The following RAB38 variants were observed in gnomAD, a reference collection of about 807,000 sequenced individuals.
The protein encoded by RAB38 is RAB38, member RAS oncogene family.
A neutral mutation model predicts 18.4 loss-of-function variants in RAB38; 15 were observed. The observed-to-expected ratio is 0.82, with a 90% confidence interval of 0.55 to 1.26. The LOEUF is 1.26. Ranked by LOEUF, RAB38 falls within the 50% of genes most tolerant of loss-of-function variation. The pLI, the probability that RAB38 is intolerant of heterozygous loss-of-function variation, is 0.00. For missense variants in RAB38, 294 were observed against 267.4 expected, an observed-to-expected ratio of 1.10 and a Z score of -0.69; for synonymous variants, 101 against 104.4, an observed-to-expected ratio of 0.97 and a Z score of 0.20.
At chr11:87,951,618 C>G in the RAB38 span, among the ~76,000 whole-genome samples, 48 of 152,254 alleles carry the variant, frequency 3.2e-4, no homozygotes, top group African/African-American at 1.1e-3. Context: ...TTCTAACAGA[C>G]AGGACCCCCA....
At chr11:87,974,173 G>A in the RAB38 span, among the ~76,000 whole-genome samples, 1 of 151,670 alleles carries the variant, frequency 6.6e-6, no homozygotes, top group Admixed American at 6.6e-5. Context: ...AAATGATCCA[G>A]TTATTAGAAT....
the RAB38 span, among the ~76,000 whole-genome samples, chr11:88,029,859 C>A: frequency 6.6e-6 from 1 of 152,166 alleles, no homozygotes; most frequent in Non-Finnish European, 1.5e-5. Flanking sequence ...GAATTGAACT[C>A]AGCTCTGCAC....
At chr11:88,048,651 C>G in the RAB38 span, among the ~76,000 whole-genome samples, 1 of 152,090 alleles carries the variant, frequency 6.6e-6, no homozygotes, top group African/African-American at 2.4e-5. Context: ...TGGACTGTGC[C>G]CCAAAAAACT....
chr11:88,145,881 ACATGAT>A (rs1202228199), intron 2 of RAB38, among the ~76,000 whole-genome samples: 2 of 152,214 alleles, frequency 1.3e-5, no homozygotes, highest in African/African-American at 2.4e-5. Flanking sequence ...AAAATGGGAC[ACATGAT>A]TACCCCAATT....
chr11:88,092,356 GAGAGAGAGAGAGAGAGAGA>G, the RAB38 span, among the ~76,000 whole-genome samples: 2 of 10,622 alleles, frequency 1.9e-4, 1 homozygote, highest in African/African-American at 6.1e-4. Flanking sequence ...GGGAGGGAGA[GAGAGAGAGAGAGAGAGAGA>G]GAGAGAGAGA....
At chr11:87,881,225 A>G in the RAB38 span, among the ~76,000 whole-genome samples, 1 of 151,832 alleles carries the variant, frequency 6.6e-6, no homozygotes, top group Non-Finnish European at 1.5e-5. Flanking sequence ...GGAATAACGT[A>G]GGTTGTTTGG....
chr11:88,126,900 C>T (rs1942703627), intron 2 of RAB38, among the ~76,000 whole-genome samples: 1 of 152,132 alleles, frequency 6.6e-6, no homozygotes, highest in African/African-American at 2.4e-5. Context: ...AGCAATAGTG[C>T]TGGCATGCAA....
At chr11:88,149,638 T>C (rs151139535) in intron 2 of RAB38, 37 bp downstream of exon 2, 2 of 1,565,838 alleles carry the variant, frequency 1.3e-6, no homozygotes, top group Admixed American at 1.8e-5. Context: ...TTTGTGAACC[T>C]TGCTTATATT....
chr11:88,068,520 T>G, the RAB38 span, among the ~76,000 whole-genome samples: 1 of 152,194 alleles, frequency 6.6e-6, no homozygotes, highest in African/African-American at 2.4e-5. Context: ...AGTCATTGCA[T>G]TTACACTATA....
At chr11:87,977,716 ATATAT>A in the RAB38 span, among the ~76,000 whole-genome samples, 4 of 97,744 alleles carry the variant, frequency 4.1e-5, no homozygotes, top group South Asian at 3.3e-4. Context: ...TTATATATTT[ATATAT>A]TATATGACAT....
At chr11:88,171,655 A>G (rs146115247) in intron 1 of RAB38, among the ~76,000 whole-genome samples, 296 of 152,356 alleles carry the variant, frequency 1.9e-3, no homozygotes, top group Middle Eastern at 6.8e-3. Context: ...CTGGACATTC[A>G]TAAGAATAAG....
the RAB38 span, among the ~76,000 whole-genome samples, chr11:87,840,967 A>G: frequency 7.2e-5 from 11 of 152,132 alleles, no homozygotes; most frequent in Non-Finnish European, 1.5e-4. Context: ...AACTCTTGAA[A>G]CCAGCCTGTC....
At chr11:88,018,273 A>C in the RAB38 span, among the ~76,000 whole-genome samples, 1 of 152,134 alleles carries the variant, frequency 6.6e-6, no homozygotes, top group Non-Finnish European at 1.5e-5. Flanking sequence ...ATCAAAAGTC[A>C]ACTCTTAAAT....
the RAB38 span, among the ~76,000 whole-genome samples, chr11:87,850,747 T>TAC: frequency 2.2e-5 from 2 of 92,524 alleles, no homozygotes; most frequent in Non-Finnish European, 5.0e-5. Context: ...CACACACACA[T>TAC]ACACACACAC....
At chr11:87,845,791 G>GA in the RAB38 span, among the ~76,000 whole-genome samples, 1 of 152,066 alleles carries the variant, frequency 6.6e-6, no homozygotes, top group African/African-American at 2.4e-5. Flanking sequence ...AGCATTTAGA[G>GA]AAAATGACAT....
At chr11:88,051,157 C>T in the RAB38 span, among the ~76,000 whole-genome samples, 1 of 151,966 alleles carries the variant, frequency 6.6e-6, no homozygotes, top group Admixed American at 6.6e-5. Context: ...AAGAAATGTG[C>T]CTCACTTTTT....
At chr11:88,142,985 A>G (rs2134815691) in intron 2 of RAB38, among the ~76,000 whole-genome samples, 1 of 152,328 alleles carries the variant, frequency 6.6e-6, no homozygotes, top group East Asian at 1.9e-4. Context: ...TTACTCATTT[A>G]TCTATCCCAG....
chr11:88,090,458 T>G, the RAB38 span, among the ~76,000 whole-genome samples: 50 of 152,110 alleles, frequency 3.3e-4, 1 homozygote, highest in African/African-American at 1.2e-3. Context: ...GATTCTCATT[T>G]CCTACAGAGA....
chr11:88,085,704 C>A, the RAB38 span, among the ~76,000 whole-genome samples: 1 of 151,910 alleles, frequency 6.6e-6, no homozygotes, highest in Non-Finnish European at 1.5e-5. Flanking sequence ...TTTATTGGAA[C>A]ACAGACACAC....
Sources: gnomAD v4.1 joint callset for allele counts (sites outside exome capture counted in the v4.1 genomes callset) on GRCh38, gnomAD v4.1.1 for gene constraint, MANE v1.5 for transcripts, NCBI Gene and HGNC (gene_info 2026-07-23, HGNC 2026-07-21) for gene names.